Variants in ERBB4 observed in about 807,000 individuals in gnomAD.
ERBB4 encodes the protein erb-b2 receptor tyrosine kinase 4, also known as receptor tyrosine-protein kinase erbB-4.
ERBB4 carries 42 observed loss-of-function variants against 158.0 expected under a neutral mutation model. That is an observed-to-expected ratio of 0.27 (90% CI 0.21 to 0.34). The LOEUF is 0.34. ERBB4 is among the 10% of genes least tolerant of loss of function. The pLI, the probability that ERBB4 is intolerant of heterozygous loss-of-function variation, is 1.00. For missense variants in ERBB4, 1,333 were observed against 1,624.1 expected (o/e 0.82, Z 3.08); for synonymous variants, 583 against 558.7 (o/e 1.04, Z -0.61).
At chr2:212,268,214 A>C (rs1266983161) in intron 1 of ERBB4, among the ~76,000 whole-genome samples, 1 of 151,948 alleles carries the variant, frequency 6.6e-6, no homozygotes, top group African/African-American at 2.4e-5. Flanking sequence ...TCTGTATGAT[A>C]GCCTGAAATT....
intron 1 of ERBB4, among the ~76,000 whole-genome samples, chr2:212,376,670 T>C (rs28529590): frequency 0.26 from 39,705 of 151,882 alleles, 5,792 homozygotes; most frequent in African/African-American, 0.4. Context: ...AGGACACTCA[T>C]TTTCTTCAGT....
intron 25 of ERBB4, among the ~76,000 whole-genome samples, chr2:211,407,178 T>TA (rs1165481967): frequency 3.8e-4 from 58 of 152,298 alleles, no homozygotes; most frequent in Non-Finnish European, 5.9e-4. Context: ...TGGCAAAAGA[T>TA]AAGTGATAAC....
At chr2:211,889,771 G>A (rs1369980160) in intron 3 of ERBB4, among the ~76,000 whole-genome samples, 13 of 151,762 alleles carry the variant, frequency 8.6e-5, no homozygotes, top group African/African-American at 1.2e-4. Context: ...AGAAGCCTCA[G>A]GAGCCGATGC....
chr2:212,259,061 T>C (rs2084842177), intron 1 of ERBB4, among the ~76,000 whole-genome samples: 1 of 152,128 alleles, frequency 6.6e-6, no homozygotes, highest in Non-Finnish European at 1.5e-5. Flanking sequence ...ATAAAATTCT[T>C]CCAACTTTTA....
chr2:211,900,649 A>C (rs540511400), intron 3 of ERBB4, among the ~76,000 whole-genome samples: 2 of 152,218 alleles, frequency 1.3e-5, no homozygotes, highest in African/African-American at 4.8e-5. Context: ...AGATAATTTT[A>C]TTTTCAAATC....
At chr2:211,487,078 C>A (rs919574679) in intron 20 of ERBB4, among the ~76,000 whole-genome samples, 1 of 151,324 alleles carries the variant, frequency 6.6e-6, no homozygotes. Context: ...ACATGTGCCA[C>A]GTTGGTGTGC....
chr2:212,390,240 G>A (rs2090814726), intron 1 of ERBB4, among the ~76,000 whole-genome samples: 1 of 151,664 alleles, frequency 6.6e-6, no homozygotes, highest in African/African-American at 2.4e-5. Flanking sequence ...AGTTTATTAA[G>A]GATTTGTACA....
At chr2:211,799,308 C>T (rs1036682757) in intron 3 of ERBB4, among the ~76,000 whole-genome samples, 13 of 152,150 alleles carry the variant, frequency 8.5e-5, no homozygotes, top group Admixed American at 4.6e-4. Flanking sequence ...TCCATTATAG[C>T]TCTGTAATGT....
chr2:211,974,456 G>A (rs978030220), intron 2 of ERBB4, among the ~76,000 whole-genome samples: 30 of 152,172 alleles, frequency 2.0e-4, no homozygotes, highest in Middle Eastern at 6.3e-3. Flanking sequence ...AAAACCCTCA[G>A]TTGTGGTTCA....
chr2:211,696,652 TTTCA>T (rs1253412674), intron 12 of ERBB4, among the ~76,000 whole-genome samples: 1 of 136,120 alleles, frequency 7.3e-6, no homozygotes, highest in African/African-American at 2.8e-5. Context: ...TTAATCACAT[TTTCA>T]TTATTTTTAT....
intron 1 of ERBB4, among the ~76,000 whole-genome samples, chr2:212,277,947 T>C (rs1325767513): frequency 6.6e-6 from 1 of 151,040 alleles, no homozygotes; most frequent in African/African-American, 2.4e-5. Flanking sequence ...TAGGAACAAC[T>C]TGAAAAAAAA....
At chr2:212,490,509 CTA>C (rs1690215988) in intron 1 of ERBB4, among the ~76,000 whole-genome samples, 1 of 151,642 alleles carries the variant, frequency 6.6e-6, no homozygotes, top group African/African-American at 2.4e-5. Context: ...ATTTTTTACT[CTA>C]GAGTTAAAAA....
At chr2:211,419,329 G>C (rs1382603683) in intron 25 of ERBB4, among the ~76,000 whole-genome samples, 2 of 151,972 alleles carry the variant, frequency 1.3e-5, no homozygotes, top group Admixed American at 6.6e-5. Context: ...TATATGTGTT[G>C]AATAGTAAAC....
At chr2:211,793,436 T>C (rs114896406) in intron 3 of ERBB4, among the ~76,000 whole-genome samples, 279 of 151,944 alleles carry the variant, frequency 1.8e-3, no homozygotes, top group African/African-American at 6.5e-3. Context: ...CTAATCACAA[T>C]AGGCGCATTT....
chr2:212,538,544 C>G lies in ERBB4; in HGVS notation c.-14G>C. ...CGCCGGCTTCATTTTTTGGAAGTCTCAGATCCCGTGCTGACAATTACATGT... is the reference window on the plus strand; with the variant it reads ...CGCCGGCTTCATTTTTTGGAAGTCTGAGATCCCGTGCTGACAATTACATGT... On this transcript the variant is annotated 5_prime_UTR_variant, in exon 1 of 28. Transcript: ENST00000342788. 6.2e-7 allele frequency: 1 copy of G among 1,612,466 alleles called. No individual in the cohort carries two copies. The highest frequency in any genetic ancestry group is 1.3e-5 in the African/African-American group (1 of 75,022).
At chr2:211,786,908 A>ATGTAATTTTACAAAGTATGGC (rs2076178032) in intron 4 of ERBB4, among the ~76,000 whole-genome samples, 2 of 152,352 alleles carry the variant, frequency 1.3e-5, no homozygotes, top group South Asian at 4.1e-4. Context: ...CAAAGTAGGC[A>ATGTAATTTTACAAAGTATGGC]ACATGAATGC....
chr2:211,754,024 A>T (rs2075218944), intron 4 of ERBB4, among the ~76,000 whole-genome samples: 2 of 150,776 alleles, frequency 1.3e-5, no homozygotes. Context: ...CGCCCGGCTA[A>T]TTTTTTTTCG....
chr2:211,614,274 A>C (rs1265272739), intron 19 of ERBB4, among the ~76,000 whole-genome samples: 1 of 152,018 alleles, frequency 6.6e-6, no homozygotes, highest in Non-Finnish European at 1.5e-5. Context: ...AGAGGCTGGG[A>C]AAGGTAGTAG....
At chr2:211,943,787 T>C (rs1391584199) in intron 3 of ERBB4, among the ~76,000 whole-genome samples, 3 of 152,046 alleles carry the variant, frequency 2.0e-5, no homozygotes, top group African/African-American at 7.3e-5. Flanking sequence ...ACAACCAACA[T>C]GAAAGTATGT....
Sources: allele counts gnomAD v4.1 joint callset (sites outside exome capture counted in the v4.1 genomes callset), GRCh38; gene constraint gnomAD v4.1.1; transcripts MANE v1.5; gene names NCBI Gene and HGNC (gene_info 2026-07-23, HGNC 2026-07-21).